Variants in LRBA observed in about 807,000 individuals in gnomAD.
LRBA encodes the protein LPS responsive beige-like anchor protein, also known as lipopolysaccharide-responsive and beige-like anchor protein.
LRBA carries 176 observed loss-of-function variants against 330.0 expected under a neutral mutation model. The ratio of observed to expected loss-of-function variants is 0.53; its 90% CI spans 0.47 to 0.60. The LOEUF (loss-of-function observed/expected upper bound fraction) is 0.60, where lower values mean the gene tolerates loss of function less well. Ranked by LOEUF, LRBA falls within the 20% of genes least tolerant of loss-of-function variation. The probability of loss-of-function intolerance (pLI) is 0.00; values close to 1 mark genes in which losing one functional copy is unlikely to be tolerated. For missense variants in LRBA, 3,259 were observed against 3,444.8 expected, an observed-to-expected ratio of 0.95 and a Z score of 1.35; for synonymous variants, 1,230 against 1,193.0, an observed-to-expected ratio of 1.03 and a Z score of -0.64.
intron 2 of LRBA, among the ~76,000 whole-genome samples, chr4:150,940,939 T>G (rs1032608501): frequency 1.3e-5 from 2 of 152,036 alleles, no homozygotes; most frequent in Non-Finnish European, 2.9e-5. Flanking sequence ...TTTCTAAATT[T>G]TATAGTTTGA....
chr4:150,415,509 T>C lies in LRBA; in HGVS notation c.7123A>G (p.Thr2375Ala), dbSNP rs1270345434. 3 of 1,608,396 alleles carry C rather than the reference T, an allele frequency of 1.9e-6. No individual in the cohort carries two copies. The African/African-American group carries it at 4.0e-5, about 21-fold the overall frequency. Residue 2375 changes from threonine to alanine, a missense_variant, in exon 47 of 57, where the codon ACA (threonine) becomes GCA (alanine). Physicochemically the swap from Thr to Ala is moderately conservative, Grantham distance 58 (BLOSUM62 0). Coordinates refer to ENST00000651943, the MANE Select transcript of LRBA (RefSeq NM_001364905.1). ...NYNLGVMDDG[T>A]VVSDVELPPW... ...GGAAGTTCGACATCAGACACTACTG[T>C]CCCATCATCCATCACTCCAAGATTA...
At chr4:150,970,556 T>TGTACACACACAC (rs1166996824) in intron 2 of LRBA, 1 of 41,688 alleles carries the variant, frequency 2.4e-5, no homozygotes, top group African/African-American at 6.4e-5. Flanking sequence ...TGTGTGTGTG[T>TGTACACACACAC]ACACACACAC....
chr4:150,525,034 T>G (rs538469227), intron 40 of LRBA, among the ~76,000 whole-genome samples: 2 of 152,226 alleles, frequency 1.3e-5, no homozygotes, highest in Non-Finnish European at 1.5e-5. Flanking sequence ...TGGGAACTCT[T>G]TAATCAATTG....
intron 2 of LRBA, among the ~76,000 whole-genome samples, chr4:151,002,552 T>G (rs373758812): frequency 3.7e-5 from 4 of 107,422 alleles, no homozygotes; most frequent in African/African-American, 7.4e-5. Flanking sequence ...GCAACAAGAG[T>G]GAAACTCCAT....
At chr4:150,365,227 G>T (rs1191901655) in intron 47 of LRBA, among the ~76,000 whole-genome samples, 6 of 152,026 alleles carry the variant, frequency 3.9e-5, no homozygotes, top group African/African-American at 1.4e-4. Context: ...GGCTGGTCTC[G>T]AACTCCTGGA....
chr4:150,327,054 CAAA>C (rs1160518128), intron 48 of LRBA, among the ~76,000 whole-genome samples: 1 of 152,050 alleles, frequency 6.6e-6, no homozygotes, highest in Non-Finnish European at 1.5e-5. Flanking sequence ...AAGGTAGTCA[CAAA>C]GAAGGAGGTA....
chr4:150,431,619 G>C (rs777868980), intron 46 of LRBA, among the ~76,000 whole-genome samples: 11 of 151,906 alleles, frequency 7.2e-5, no homozygotes, highest in Non-Finnish European at 1.3e-4. Context: ...ATAATATTTT[G>C]GATATATACG....
chr4:150,841,625 C>A (rs1228345876), intron 28 of LRBA, among the ~76,000 whole-genome samples: 1 of 151,788 alleles, frequency 6.6e-6, no homozygotes, highest in African/African-American at 2.4e-5. Flanking sequence ...AGGTCATTTC[C>A]CTTTTTTTTT....
intron 37 of LRBA, among the ~76,000 whole-genome samples, chr4:150,641,215 C>T (rs1031806411): frequency 2.6e-5 from 4 of 152,140 alleles, no homozygotes; most frequent in East Asian, 3.8e-4. Flanking sequence ...TAATTATATG[C>T]TTAACATTCC....
At chr4:150,330,817 A>T (rs1344877909) in intron 48 of LRBA, among the ~76,000 whole-genome samples, 2 of 152,140 alleles carry the variant, frequency 1.3e-5, no homozygotes, top group Non-Finnish European at 2.9e-5. Context: ...TGCACATAGT[A>T]TTTAGACAAC....
intron 50 of LRBA, among the ~76,000 whole-genome samples, chr4:150,320,268 C>T (rs1420969981): frequency 6.6e-6 from 1 of 152,172 alleles, no homozygotes; most frequent in Non-Finnish European, 1.5e-5. Context: ...CAAAACATGG[C>T]TGGAGTAGAT....
intron 48 of LRBA, among the ~76,000 whole-genome samples, chr4:150,327,190 A>G (rs773908798): frequency 6.6e-5 from 10 of 152,150 alleles, no homozygotes; most frequent in Admixed American, 2.0e-4. Context: ...ATCCCAAACC[A>G]AGACAGGAGG....
At chr4:150,912,339 A>C (rs1281598481) in intron 9 of LRBA, among the ~76,000 whole-genome samples, 1 of 152,168 alleles carries the variant, frequency 6.6e-6, no homozygotes, top group African/African-American at 2.4e-5. Context: ...ATTTTTATAG[A>C]AGGGTGAACC....
intron 40 of LRBA, among the ~76,000 whole-genome samples, chr4:150,495,637 A>T (rs1489561557): frequency 6.6e-6 from 1 of 152,202 alleles, no homozygotes; most frequent in African/African-American, 2.4e-5. Context: ...GGCCTAGCTA[A>T]GCAAGGGGTT....
intron 52 of LRBA, among the ~76,000 whole-genome samples, chr4:150,306,177 C>T (rs1227207772): frequency 6.6e-6 from 1 of 152,108 alleles, no homozygotes; most frequent in Non-Finnish European, 1.5e-5. Flanking sequence ...ATTGTTGCCT[C>T]TGCTGTTCTG....
intron 36 of LRBA, among the ~76,000 whole-genome samples, chr4:150,721,677 C>T (rs1728955212): frequency 1.3e-5 from 2 of 152,128 alleles, no homozygotes; most frequent in Non-Finnish European, 2.9e-5. Flanking sequence ...TGCAGTGGCA[C>T]GATCTTGGCT....
At chr4:150,896,333 T>C (rs1730081154) in intron 16 of LRBA, 61 bp downstream of exon 16, 3 of 872,416 alleles carry the variant, frequency 3.4e-6, no homozygotes, top group East Asian at 5.7e-5. Flanking sequence ...ATTTTTACTT[T>C]TAAAAAAGTC....
intron 37 of LRBA, among the ~76,000 whole-genome samples, chr4:150,675,645 G>T (rs530151680): frequency 7.9e-5 from 12 of 152,194 alleles, no homozygotes; most frequent in African/African-American, 2.9e-4. Flanking sequence ...CTGAACCCGG[G>T]AAGTGGAGCT....
intron 48 of LRBA, among the ~76,000 whole-genome samples, chr4:150,349,315 T>A (rs1736826978): frequency 6.6e-6 from 1 of 152,186 alleles, no homozygotes; most frequent in Non-Finnish European, 1.5e-5. Flanking sequence ...CGCAGTTGTG[T>A]TCTAAAATTG....
Sources: gnomAD v4.1 joint callset for allele counts (sites outside exome capture counted in the v4.1 genomes callset) on GRCh38, gnomAD v4.1.1 for gene constraint, MANE v1.5 for transcripts, NCBI Gene and HGNC (gene_info 2026-07-23, HGNC 2026-07-21) for gene names.